The following B4GALT5 variants were observed in gnomAD, a reference collection of about 807,000 sequenced individuals.
B4GALT5 encodes the protein beta-1,4-galactosyltransferase 5.
In B4GALT5, 11 loss-of-function variants were observed where a neutral mutation model predicts 45.0. The observed-to-expected ratio is 0.24, with a 90% CI of 0.15 to 0.40. The LOEUF (loss-of-function observed/expected upper bound fraction) is 0.40, where lower values mean the gene tolerates loss of function less well. Ranked by LOEUF, B4GALT5 falls within the 10% of genes least tolerant of loss-of-function variation. The probability of loss-of-function intolerance (pLI) is 1.00; values close to 1 mark genes in which losing one functional copy is unlikely to be tolerated. For synonymous variants in B4GALT5, 185 were observed against 182.9 expected (o/e 1.01, Z -0.09); for missense variants, 337 against 500.2 (o/e 0.67, Z 3.11).
chr20:49,656,829 C>A, intron 1 of B4GALT5, 127 bp from the exon 2 acceptor site: 1 of 1,202,580 alleles, frequency 8.3e-7, no homozygotes, highest in East Asian at 2.4e-5. Flanking sequence ...TTTTAAAACC[C>A]TACATGACCA....
In B4GALT5 at chr20:49,672,240, T is replaced by G. The variant is rs145229964; in HGVS notation, c.116-15538A>C. Among the ~76,000 whole-genome samples the G allele has an allele frequency of 1.7e-4, 26 of 152,376 alleles. No individual in the cohort carries two copies. The East Asian group carries it at 5.0e-3, about 29-fold the overall frequency. On this transcript the variant is annotated intron_variant, in intron 1 of 8. Transcript: ENST00000371711. ...GCTTGTAACAGACTAATGGGTTATC[T>G]ACTCGTTGGGAATTTAAGTGCTTCC...
rs777465493 is a variant in B4GALT5 at position 49,636,296 on chromosome 20, C to T, written c.*16G>A. 9 of 1,612,792 alleles carry T rather than the reference C, an allele frequency of 5.6e-6. No individual in the cohort carries two copies. Among genetic ancestry groups the T allele is most frequent in the South Asian group, 3.3e-5 (3 of 91,002 alleles). ...TCTTGGTGGCGGTGGGTAAAGCAAA[C>T]GTACATTCTCTCCTCTCAGTACTCG... On this transcript the variant is annotated 3_prime_UTR_variant, in exon 9 of 9. Transcript: ENST00000371711.
intron 1 of B4GALT5, 31 bp from the exon 2 acceptor site, chr20:49,656,733 G>A: frequency 1.2e-6 from 2 of 1,612,550 alleles, no homozygotes; most frequent in Non-Finnish European, 1.7e-6. Flanking sequence ...AAAAAGAGGT[G>A]GATTCAGAAG....
chr20:49,692,468 A>AAAAAC (rs1329437118), intron 1 of B4GALT5, among the ~76,000 whole-genome samples: 3 of 152,202 alleles, frequency 2.0e-5, no homozygotes, highest in African/African-American at 7.2e-5. Context: ...CCCTGTCTCA[A>AAAAAC]AAAACAAAAC....
chr20:49,640,898 G>A (rs1035086013), intron 5 of B4GALT5, among the ~76,000 whole-genome samples: 2 of 152,028 alleles, frequency 1.3e-5, no homozygotes, highest in Admixed American at 1.3e-4. Context: ...CAAGGTGGGC[G>A]GATCAGGAGT....
chr20:49,691,353 C>CA (rs1568731711), intron 1 of B4GALT5, among the ~76,000 whole-genome samples: 4 of 151,714 alleles, frequency 2.6e-5, no homozygotes, highest in African/African-American at 9.7e-5. Context: ...CCTGTCTCTA[C>CA]AAAAAAAATT....
At chr20:49,676,108 G>A (rs1040903208) in intron 1 of B4GALT5, among the ~76,000 whole-genome samples, 65 of 150,920 alleles carry the variant, frequency 4.3e-4, no homozygotes, top group Admixed American at 4.6e-4. Context: ...CCACCGATGG[G>A]CCAACTGACA....
intron 1 of B4GALT5, among the ~76,000 whole-genome samples, chr20:49,659,706 T>C (rs890202397): frequency 6.6e-6 from 1 of 152,182 alleles, no homozygotes; most frequent in Non-Finnish European, 1.5e-5. Flanking sequence ...ACTGGGGAAC[T>C]ATGACCTCCA....
chr20:49,640,244 TTG>T (rs891419895), intron 6 of B4GALT5, among the ~76,000 whole-genome samples: 81 of 152,362 alleles, frequency 5.3e-4, no homozygotes, highest in African/African-American at 1.9e-3. Flanking sequence ...TACACAACCT[TTG>T]TGTCTGGCTT....
At chr20:49,661,495 A>G (rs1706818996) in intron 1 of B4GALT5, among the ~76,000 whole-genome samples, 1 of 152,174 alleles carries the variant, frequency 6.6e-6, no homozygotes, top group Admixed American at 6.5e-5. Context: ...TTGGCCTCCC[A>G]AAGTGTTGGG....
chr20:49,710,105 T>C (rs1370816899), intron 1 of B4GALT5, among the ~76,000 whole-genome samples: 1 of 152,184 alleles, frequency 6.6e-6, no homozygotes, highest in African/African-American at 2.4e-5. Context: ...GCTACATGAT[T>C]TTTCTTATTT....
intron 5 of B4GALT5, among the ~76,000 whole-genome samples, chr20:49,640,987 T>C (rs888644686): frequency 2.6e-5 from 4 of 152,210 alleles, no homozygotes; most frequent in Non-Finnish European, 5.9e-5. Context: ...TAGTGGCGCA[T>C]GCCTGTAATC....
Position 49,634,427 on chromosome 20 carries a change from T to G in B4GALT5, c.*1885A>C, listed in dbSNP as rs1488921850. The stretch of plus-strand genomic sequence containing the variant: ...AGAAAGTACTCCTCATCACAATATA[T>G]AAATATGTTTTATGGAAAACAAGGG... On this transcript the variant is annotated 3_prime_UTR_variant, in exon 9 of 9. Transcript: ENST00000371711. The G allele has an allele frequency of 6.6e-6, 1 of 152,038 alleles. No homozygotes were observed. Among genetic ancestry groups the G allele is most frequent in the African/African-American group, 2.4e-5 (1 of 41,294 alleles). The allele number at this position is 152,038 out of a possible 1,614,324, so 9.4% of individuals were successfully genotyped here.
chr20:49,640,353 A>T, intron 6 of B4GALT5, 125 bp downstream of exon 6: 3 of 797,384 alleles, frequency 3.8e-6, no homozygotes, highest in Non-Finnish European at 5.7e-6. Context: ...GTATGGATAC[A>T]CACATTTTGT....
At chr20:49,679,838 G>T (rs1014718306) in intron 1 of B4GALT5, among the ~76,000 whole-genome samples, 1 of 152,118 alleles carries the variant, frequency 6.6e-6, no homozygotes, top group African/African-American at 2.4e-5. Flanking sequence ...GGTTATTTAG[G>T]AAATATGGCA....
intron 1 of B4GALT5, among the ~76,000 whole-genome samples, chr20:49,691,688 T>C (rs937065454): frequency 2.6e-5 from 4 of 152,182 alleles, no homozygotes; most frequent in Non-Finnish European, 5.9e-5. Context: ...AATTACGTTT[T>C]TGAAAAATTA....
intron 7 of B4GALT5, 131 bp from the exon 8 acceptor site, chr20:49,637,573 C>G (rs903654948): frequency 3.1e-6 from 2 of 650,948 alleles, no homozygotes; most frequent in Non-Finnish European, 5.5e-6. Context: ...GCTTAACTGA[C>G]TCATTGTGTC....
At chr20:49,680,042 A>T (rs1306704248) in intron 1 of B4GALT5, among the ~76,000 whole-genome samples, 1 of 152,210 alleles carries the variant, frequency 6.6e-6, no homozygotes, top group Non-Finnish European at 1.5e-5. Context: ...GCTACCTTTA[A>T]ACTGTCCCTT....
At chr20:49,666,791 T>C (rs2085692546) in intron 1 of B4GALT5, among the ~76,000 whole-genome samples, 1 of 152,192 alleles carries the variant, frequency 6.6e-6, no homozygotes, top group African/African-American at 2.4e-5. Context: ...GACCAATATT[T>C]TGTGGAAAAA....
Sources: gnomAD v4.1 joint callset for allele counts (sites outside exome capture counted in the v4.1 genomes callset) on GRCh38, gnomAD v4.1.1 for gene constraint, MANE v1.5 for transcripts, NCBI Gene and HGNC (gene_info 2026-07-23, HGNC 2026-07-21) for gene names.